Variants in RTL4 observed in about 807,000 individuals in gnomAD.
RTL4 encodes the protein retrotransposon Gag-like protein 4.
RTL4 carries 4 observed loss-of-function variants against 5.3 expected under a neutral mutation model. The observed-to-expected ratio is 0.75, with a 90% confidence interval of 0.37 to 1.72. The LOEUF (loss-of-function observed/expected upper bound fraction) is 1.72. Ranked by LOEUF, RTL4 falls within the 40% of genes most tolerant of loss-of-function variation. The pLI, the probability that RTL4 is intolerant of heterozygous loss-of-function variation, is 0.04. For missense variants in RTL4, 260 were observed against 227.1 expected, an observed-to-expected ratio of 1.14 and a Z score of -0.93; for synonymous variants, 98 against 87.3, an observed-to-expected ratio of 1.12 and a Z score of -0.68.
the RTL4 span, among the ~76,000 whole-genome samples, chrX:112,157,510 G>A: frequency 9.0e-6 from 1 of 111,219 alleles, no homozygotes; most frequent in Admixed American, 9.6e-5. Context: ...GTCTGCTCTC[G>A]TTTCTTCTCT....
chrX:112,231,412 G>T, the RTL4 span, among the ~76,000 whole-genome samples: 4 of 110,039 alleles, frequency 3.6e-5, no homozygotes, highest in Non-Finnish European at 7.6e-5. Flanking sequence ...ATGAGTTCAT[G>T]TCCTTTGTAG....
At chrX:112,186,496 GAT>G in the RTL4 span, among the ~76,000 whole-genome samples, 3 of 112,248 alleles carry the variant, frequency 2.7e-5, no homozygotes, top group Non-Finnish European at 5.6e-5. Context: ...CACAGTCGCT[GAT>G]GTATGGTGGA....
the RTL4 span, among the ~76,000 whole-genome samples, chrX:112,213,833 CT>C: frequency 2.9e-3 from 297 of 101,087 alleles, no homozygotes; most frequent in Admixed American, 3.7e-3. Context: ...GTTTTACCTT[CT>C]TTTTTTTTTT....
At chrX:112,428,151 T>A in the RTL4 span, among the ~76,000 whole-genome samples, 2 of 111,691 alleles carry the variant, frequency 1.8e-5, no homozygotes, top group African/African-American at 6.5e-5. Context: ...ATATACCACA[T>A]TTTCTTTATC....
At chrX:112,200,012 G>A in the RTL4 span, among the ~76,000 whole-genome samples, 987 of 112,035 alleles carry the variant, frequency 8.8e-3, 12 homozygotes, top group African/African-American at 0.03. Context: ...TCTTCTATGC[G>A]TTTTATATAA....
the RTL4 span, among the ~76,000 whole-genome samples, chrX:112,183,488 CA>C: frequency 1.9e-5 from 2 of 107,470 alleles, no homozygotes; most frequent in East Asian, 2.9e-4. Context: ...AAATGGAAAG[CA>C]AAAAAAAAGC....
At chrX:112,454,533 T>C (rs977605463) in exon 1 of RTL4, 35 of 389,053 alleles carry the variant, frequency 9.0e-5, no homozygotes, top group Admixed American at 2.9e-4. Context: ...AGAGGCAACA[T>C]TGAGTGGCGG....
At chrX:112,088,132 T>C in the RTL4 span, among the ~76,000 whole-genome samples, 1 of 109,414 alleles carries the variant, frequency 9.1e-6, no homozygotes, top group Non-Finnish European at 1.9e-5. Context: ...ATTATAGGCA[T>C]GAGACACCGC....
At chrX:112,203,117 G>A in the RTL4 span, among the ~76,000 whole-genome samples, 3 of 110,696 alleles carry the variant, frequency 2.7e-5, no homozygotes, top group Admixed American at 2.9e-4. Context: ...TGGATGGTTT[G>A]TATTTTTATT....
chrX:112,269,005 G>A, the RTL4 span, among the ~76,000 whole-genome samples: 6 of 111,692 alleles, frequency 5.4e-5, no homozygotes, highest in South Asian at 3.8e-4. Flanking sequence ...TTCCATCTCC[G>A]TGACATTTCT....
the RTL4 span, among the ~76,000 whole-genome samples, chrX:112,419,276 A>T: frequency 5.0e-4 from 45 of 89,614 alleles, no homozygotes; most frequent in African/African-American, 1.9e-3. Context: ...AGGGCAATTT[A>T]GATAGAGTTG....
the RTL4 span, among the ~76,000 whole-genome samples, chrX:112,143,530 A>G: frequency 1.8e-5 from 2 of 111,836 alleles, no homozygotes; most frequent in Non-Finnish European, 3.8e-5. Context: ...GAATGATTCC[A>G]GGAGGTGTCT....
At chrX:112,356,576 T>TGG in the RTL4 span, among the ~76,000 whole-genome samples, 4,996 of 93,259 alleles carry the variant, frequency 0.054, 294 homozygotes, top group African/African-American at 0.21. Flanking sequence ...CCATTTGTTT[T>TGG]GGGGTGTGTG....
the RTL4 span, among the ~76,000 whole-genome samples, chrX:112,285,457 C>G: frequency 2.5e-3 from 282 of 111,646 alleles, no homozygotes; most frequent in African/African-American, 8.8e-3. Context: ...CAGAGTTTCC[C>G]TCTGAAAGTG....
the RTL4 span, among the ~76,000 whole-genome samples, chrX:112,131,542 T>C: frequency 1.8e-5 from 2 of 111,859 alleles, no homozygotes; most frequent in South Asian, 7.6e-4. Flanking sequence ...CAGATGAAGA[T>C]GCAGGACTTC....
the RTL4 span, among the ~76,000 whole-genome samples, chrX:112,242,262 A>G: frequency 8.9e-6 from 1 of 111,913 alleles, no homozygotes; most frequent in Non-Finnish European, 1.9e-5. Flanking sequence ...TGGGGATGGC[A>G]TTGAATCTAT....
At chrX:112,402,362 T>G in the RTL4 span, among the ~76,000 whole-genome samples, 10 of 108,604 alleles carry the variant, frequency 9.2e-5, no homozygotes, top group Admixed American at 2.0e-4. Context: ...GAAAAGCCAT[T>G]CAACTGAGGT....
chrX:112,108,584 C>T, the RTL4 span, among the ~76,000 whole-genome samples: 1 of 111,158 alleles, frequency 9.0e-6, no homozygotes, highest in Non-Finnish European at 1.9e-5. Flanking sequence ...ACTGGACCTA[C>T]TCGGGTAGAT....
At chrX:112,309,843 T>C in the RTL4 span, among the ~76,000 whole-genome samples, 2 of 106,430 alleles carry the variant, frequency 1.9e-5, no homozygotes, top group African/African-American at 6.9e-5. Flanking sequence ...CATATATGTA[T>C]ACACATATAT....
Sources: allele counts gnomAD v4.1 joint callset (sites outside exome capture counted in the v4.1 genomes callset), GRCh38; gene constraint gnomAD v4.1.1; transcripts MANE v1.5; gene names NCBI Gene and HGNC (gene_info 2026-07-23, HGNC 2026-07-21).